PARP4: variants seen among roughly 807,000 people sequenced by gnomAD.
PARP4 encodes the protein protein mono-ADP-ribosyltransferase PARP4.
PARP4 carries 120 observed loss-of-function variants against 187.7 expected under a neutral mutation model. That is an observed-to-expected ratio of 0.64 (90% confidence interval 0.55 to 0.74). The LOEUF (loss-of-function observed/expected upper bound fraction) is 0.74, where lower values mean the gene tolerates loss of function less well. Among genes scored for constraint, PARP4 ranks in the 30% least tolerant of loss-of-function variants. The pLI is 0.00. For synonymous variants in PARP4, 654 were observed against 740.9 expected (o/e 0.88, Z 1.90); for missense variants, 1,836 against 2,070.5 (o/e 0.89, Z 2.20).
chr13:24,449,629 A>G, intron 25 of PARP4, 89 bp downstream of exon 25: 1 of 770,026 alleles, frequency 1.3e-6, no homozygotes, highest in Non-Finnish European at 2.2e-6. Context: ...CCTCTCATTC[A>G]AGGAAACACA....
chr13:24,480,685 C>T (rs1012953719), intron 12 of PARP4, among the ~76,000 whole-genome samples: 3 of 152,192 alleles, frequency 2.0e-5, no homozygotes, highest in African/African-American at 7.2e-5. Context: ...AAGCCTAATC[C>T]AGAGCAAGGC....
At chr13:24,485,057 A>T (rs1873481698) in intron 11 of PARP4, among the ~76,000 whole-genome samples, 1 of 152,210 alleles carries the variant, frequency 6.6e-6, no homozygotes. Context: ...TTCATTTAGT[A>T]TACTTTTATG....
At chr13:24,452,347 G>C (rs1437923528) in intron 24 of PARP4, 59 bp downstream of exon 24, 3 of 1,399,848 alleles carry the variant, frequency 2.1e-6, no homozygotes, top group African/African-American at 1.4e-5. Context: ...GTCCCCTGCA[G>C]GGCAACAAGA....
intron 22 of PARP4, among the ~76,000 whole-genome samples, chr13:24,454,216 A>G (rs867504556): frequency 6.6e-6 from 1 of 152,198 alleles, no homozygotes; most frequent in African/African-American, 2.4e-5. Context: ...CATGCAGATC[A>G]CTTGTGCAAA....
rs751385543 is a variant in PARP4, at chr13:24,484,763, G to A, written c.1353-15C>T. On this transcript the variant is annotated splice_polypyrimidine_tract_variant and intron_variant, in intron 11 of 33. Coordinates refer to ENST00000381989, the MANE Select transcript of PARP4 (RefSeq NM_006437.4). ...AAAGCAACCCTCTGAAAAGAGAAGG[G>A]CAGGATAAGGTGTAAGCCCAACACT... The A allele has an allele frequency of 1.3e-6, 2 of 1,483,942 alleles. No homozygotes were observed. Among genetic ancestry groups the A allele is most frequent in the Non-Finnish European group, 1.9e-6 (2 of 1,061,104 alleles). The allele number at this position is 1,483,942 out of a possible 1,614,324, so 91.9% of individuals were successfully genotyped here.
chr13:24,435,120 A>G lies in PARP4; in HGVS notation c.4021T>C (p.Phe1341Leu), dbSNP rs1479578285. 8 of 1,614,062 alleles carry G rather than the reference A, an allele frequency of 5.0e-6. No homozygotes were observed. The highest frequency in any genetic ancestry group is 5.9e-6 in the Non-Finnish European group (7 of 1,180,036). The change falls in exon 31 of 34, where the codon TTT becomes CTT. Residue 1341 changes from phenylalanine (F) to leucine (L), a missense_variant. Physicochemically the swap from Phe to Leu is conservative, Grantham distance 22. Coordinates refer to ENST00000381989, the MANE Select transcript of PARP4 (RefSeq NM_006437.4). ...CTAGCTACCTGACGATATGAGGCAA[A>G]AGACAAGGAAGCAGGACTGTGAGCG... ...ARAHSPASLS[F>L]ASYRQVASFG...
chr13:24,455,506 T>TATCACA (rs1555234626), intron 21 of PARP4, among the ~76,000 whole-genome samples: 9 of 135,388 alleles, frequency 6.6e-5, no homozygotes, highest in African/African-American at 1.1e-4. Flanking sequence ...TATATATATA[T>TATCACA]CACACTATTC....
intron 15 of PARP4, among the ~76,000 whole-genome samples, chr13:24,470,730 G>A (rs1260266025): frequency 2.0e-5 from 3 of 151,584 alleles, no homozygotes; most frequent in Admixed American, 1.3e-4. Flanking sequence ...AATAATCCAG[G>A]GAAGACACCA....
chr13:24,459,937 G>A, intron 18 of PARP4, 35 bp downstream of exon 18: 1 of 1,590,458 alleles, frequency 6.3e-7, no homozygotes, highest in Non-Finnish European at 8.6e-7. Context: ...CTCCACTGCT[G>A]CCAAAATGCT....
At chr13:24,443,337 G>T (rs572750128) in intron 28 of PARP4, among the ~76,000 whole-genome samples, 1 of 152,118 alleles carries the variant, frequency 6.6e-6, no homozygotes, top group Non-Finnish European at 1.5e-5. Context: ...GCTACCACAC[G>T]AGAGATCTGA....
intron 8 of PARP4, among the ~76,000 whole-genome samples, chr13:24,492,797 G>T (rs1868732366): frequency 6.6e-6 from 1 of 152,180 alleles, no homozygotes; most frequent in African/African-American, 2.4e-5. Context: ...GCAAAACTAG[G>T]CTCAGTTTTA....
intron 17 of PARP4, among the ~76,000 whole-genome samples, chr13:24,466,461 A>C (rs1455105548): frequency 6.6e-6 from 1 of 152,120 alleles, no homozygotes; most frequent in Non-Finnish European, 1.5e-5. Context: ...GATTACAGGT[A>C]TGAGCTACCA....
intron 12 of PARP4, among the ~76,000 whole-genome samples, chr13:24,480,222 G>A (rs1325672087): frequency 3.3e-5 from 5 of 152,216 alleles, no homozygotes; most frequent in Non-Finnish European, 7.3e-5. Flanking sequence ...AACAATCTGT[G>A]CCCATACAAG....
At chr13:24,503,875 T>C in intron 1 of PARP4, 98 bp from the exon 2 acceptor site, 1 of 1,034,682 alleles carries the variant, frequency 9.7e-7, no homozygotes, top group Admixed American at 2.1e-5. Context: ...TTGGGCATTA[T>C]CTTAAGAAAG....
intron 30 of PARP4, among the ~76,000 whole-genome samples, chr13:24,436,009 G>A (rs1169553138): frequency 2.6e-5 from 4 of 151,734 alleles, no homozygotes; most frequent in Non-Finnish European, 5.9e-5. Flanking sequence ...TCTAGACATG[G>A]AAGCTGAGAC....
chr13:24,484,168 T>C (rs1873430680), intron 12 of PARP4, among the ~76,000 whole-genome samples: 1 of 152,128 alleles, frequency 6.6e-6, no homozygotes, highest in African/African-American at 2.4e-5. Context: ...AATTATGAGG[T>C]TGGCAGATGA....
chr13:24,437,656 T>C (rs1327532744), intron 30 of PARP4, among the ~76,000 whole-genome samples: 1 of 152,124 alleles, frequency 6.6e-6, no homozygotes, highest in Non-Finnish European at 1.5e-5. Flanking sequence ...ATGTCACCAA[T>C]ACATTTTTCA....
chr13:24,502,904 A>G (rs965538273), intron 2 of PARP4, among the ~76,000 whole-genome samples: 1 of 152,234 alleles, frequency 6.6e-6, no homozygotes, highest in Non-Finnish European at 1.5e-5. Flanking sequence ...GATGAGGCTC[A>G]CAATGGCCAA....
chr13:24,444,077 T>C (rs1372901359), intron 27 of PARP4, among the ~76,000 whole-genome samples: 5 of 152,272 alleles, frequency 3.3e-5, no homozygotes, highest in Non-Finnish European at 1.5e-5. Flanking sequence ...TTTTCTACCA[T>C]GGGAAGAGCC....
Sources: allele counts gnomAD v4.1 joint callset (sites outside exome capture counted in the v4.1 genomes callset), GRCh38; gene constraint gnomAD v4.1.1; transcripts MANE v1.5; gene names NCBI Gene and HGNC (gene_info 2026-07-23, HGNC 2026-07-21).